The following ADAMTS9 variants were observed in gnomAD, a reference collection of about 807,000 sequenced individuals.
The protein encoded by ADAMTS9 is A disintegrin and metalloproteinase with thrombospondin motifs 9.
ADAMTS9 carries 107 observed loss-of-function variants against 257.1 expected under a neutral mutation model. That is an observed-to-expected ratio of 0.42 (90% CI 0.36 to 0.49). ADAMTS9 has a LOEUF of 0.49. Among genes scored for constraint, ADAMTS9 ranks in the 20% least tolerant of loss-of-function variants. The pLI is 0.03. For synonymous variants in ADAMTS9, 982 were observed against 880.9 expected (o/e 1.11, Z -2.03); for missense variants, 2,353 against 2,469.1 (o/e 0.95, Z 1.00).
At chr3:64,659,059 T>C (rs1036144133) in intron 3 of ADAMTS9, among the ~76,000 whole-genome samples, 1 of 152,196 alleles carries the variant, frequency 6.6e-6, no homozygotes, top group East Asian at 1.9e-4. Context: ...TTGCACGTGA[T>C]TCTTATTCAT....
intron 19 of ADAMTS9, among the ~76,000 whole-genome samples, chr3:64,619,553 A>G (rs185163753): frequency 8.5e-5 from 13 of 152,310 alleles, no homozygotes; most frequent in Admixed American, 2.0e-4. Flanking sequence ...GAATAATAAT[A>G]TATAAATCAT....
intron 3 of ADAMTS9, among the ~76,000 whole-genome samples, chr3:64,665,690 A>C (rs550345453): frequency 1.1e-3 from 161 of 152,338 alleles, no homozygotes; most frequent in Non-Finnish European, 2.1e-3. Context: ...ATCAGCACAG[A>C]GTGTGCCTGA....
At chr3:64,622,707 G>T (rs905722607) in intron 16 of ADAMTS9, 121 bp from the exon 17 acceptor site, 2 of 1,059,416 alleles carry the variant, frequency 1.9e-6, no homozygotes, top group Admixed American at 2.3e-5. Flanking sequence ...TTTTGAGGCA[G>T]ACAGGCATGG....
chr3:64,644,438 AAAGT>A (rs1700734837), intron 11 of ADAMTS9, among the ~76,000 whole-genome samples: 1 of 152,212 alleles, frequency 6.6e-6, no homozygotes, highest in Non-Finnish European at 1.5e-5. Flanking sequence ...GTTTTCACCA[AAAGT>A]AAGATTAATG....
chr3:64,670,204 A>G (rs185693433), intron 3 of ADAMTS9, among the ~76,000 whole-genome samples: 28 of 152,318 alleles, frequency 1.8e-4, no homozygotes, highest in African/African-American at 6.3e-4. Flanking sequence ...CATGCAACAT[A>G]CATGCAAAAC....
At chr3:64,670,317 G>T (rs1392423493) in intron 3 of ADAMTS9, among the ~76,000 whole-genome samples, 1 of 152,186 alleles carries the variant, frequency 6.6e-6, no homozygotes, top group Admixed American at 6.5e-5. Flanking sequence ...GTTGGACATG[G>T]AGAGTTGTGT....
intron 29 of ADAMTS9, chr3:64,563,199 G>A (rs1559765627): frequency 6.6e-6 from 1 of 152,158 alleles, no homozygotes; most frequent in Non-Finnish European, 1.5e-5. Context: ...ATGCTCATTA[G>A]AGCTACATGA....
intron 9 of ADAMTS9, chr3:64,650,121 G>A: frequency 5.1e-6 from 1 of 196,500 alleles, no homozygotes; most frequent in Non-Finnish European, 1.0e-5. Context: ...TTTCATCAAA[G>A]CACAGGGCCC....
At chr3:64,652,009 T>A (rs750305088) in intron 8 of ADAMTS9, among the ~76,000 whole-genome samples, 2 of 152,174 alleles carry the variant, frequency 1.3e-5, no homozygotes, top group Non-Finnish European at 2.9e-5. Context: ...AGGAAGTATT[T>A]CCTAAATCCA....
chr3:64,572,021 A>G (rs1225603958), intron 28 of ADAMTS9, among the ~76,000 whole-genome samples: 1 of 152,036 alleles, frequency 6.6e-6, no homozygotes, highest in Non-Finnish European at 1.5e-5. Context: ...TTCTTGCTCT[A>G]GGGAATATTT....
intron 37 of ADAMTS9, 32 bp from the exon 38 acceptor site, chr3:64,533,302 A>G: frequency 6.3e-7 from 1 of 1,585,616 alleles, no homozygotes; most frequent in Non-Finnish European, 8.7e-7. Flanking sequence ...AGAGATTTTC[A>G]GTCCATGTGA....
At chr3:64,591,068 C>T (rs2106781494) in intron 28 of ADAMTS9, among the ~76,000 whole-genome samples, 1 of 152,320 alleles carries the variant, frequency 6.6e-6, no homozygotes, top group Non-Finnish European at 1.5e-5. Context: ...CTCCTCAAGT[C>T]ATAGGACATA....
chr3:64,687,512 G>A lies in ADAMTS9; in HGVS notation c.115+31C>T. The A allele has an allele frequency of 6.7e-7, 1 of 1,495,592 alleles. No homozygotes were observed. Among genetic ancestry groups the A allele is most frequent in the Admixed American group, 2.1e-5 (1 of 47,826 alleles). 92.6% of individuals were successfully genotyped at this position (1,495,592 alleles called of 1,614,324 possible). ...AGGACCGGGAGGCGGCGTCGGGGCC[G>A]GCGGGGTCCCGGGGGCCGGAGCCTG... On this transcript the variant is annotated intron_variant, in intron 1 of 39. Transcript: ENST00000498707. The surrounding 1 kb of genome is among the most constrained non-coding windows in gnomAD (Gnocchi z 4.4).
chr3:64,678,951 T>C (rs1408471352), intron 3 of ADAMTS9, among the ~76,000 whole-genome samples: 9 of 152,162 alleles, frequency 5.9e-5, no homozygotes. Flanking sequence ...AGGAACGGCA[T>C]GCCATATTGG....
intron 37 of ADAMTS9, among the ~76,000 whole-genome samples, chr3:64,534,935 T>C (rs2083030444): frequency 1.3e-5 from 2 of 152,120 alleles, no homozygotes; most frequent in African/African-American, 2.4e-5. Flanking sequence ...CCCTAGAATC[T>C]TGCTCCCTTC....
chr3:64,529,741 T>A (rs1217127975), intron 38 of ADAMTS9, among the ~76,000 whole-genome samples: 1 of 152,196 alleles, frequency 6.6e-6, no homozygotes, highest in African/African-American at 2.4e-5. Flanking sequence ...TGACTCCAGA[T>A]CAGGGGCATC....
chr3:64,648,690 C>T (rs544436313), intron 10 of ADAMTS9, among the ~76,000 whole-genome samples: 5 of 152,264 alleles, frequency 3.3e-5, no homozygotes, highest in South Asian at 2.1e-4. Flanking sequence ...TTTTTCTCCC[C>T]TTTTAGAGTT....
intron 3 of ADAMTS9, among the ~76,000 whole-genome samples, chr3:64,670,339 G>C (rs1044277242): frequency 1.3e-5 from 2 of 152,172 alleles, no homozygotes; most frequent in Non-Finnish European, 2.9e-5. Flanking sequence ...TCTGGATACA[G>C]ATGAGCAATA....
chr3:64,564,903 A>T (rs1459507256), intron 29 of ADAMTS9, among the ~76,000 whole-genome samples: 1 of 152,218 alleles, frequency 6.6e-6, no homozygotes, highest in African/African-American at 2.4e-5. Context: ...TCAAGCAAAA[A>T]CAAAACCAAA....
Sources: allele counts gnomAD v4.1 joint callset (sites outside exome capture counted in the v4.1 genomes callset), GRCh38; gene constraint gnomAD v4.1.1; non-coding constraint Gnocchi (gnomAD v3.1); transcripts MANE v1.5; gene names NCBI Gene and HGNC (gene_info 2026-07-23, HGNC 2026-07-21).